PDGFC: variants seen among roughly 807,000 people sequenced by gnomAD.
The protein encoded by PDGFC is platelet-derived growth factor C.
In PDGFC, 12 loss-of-function variants were observed where a neutral mutation model predicts 35.5. The ratio of observed to expected loss-of-function variants is 0.34; its 90% CI spans 0.22 to 0.55. The LOEUF (loss-of-function observed/expected upper bound fraction) is 0.55. Among genes scored for constraint, PDGFC ranks in the 20% least tolerant of loss-of-function variants. The probability of loss-of-function intolerance (pLI) is 0.91; values close to 1 mark genes in which losing one functional copy is unlikely to be tolerated. For synonymous variants in PDGFC, 159 were observed against 148.8 expected (o/e 1.07, Z -0.50); for missense variants, 322 against 412.4 (o/e 0.78, Z 1.90).
At position 156,971,233 on chromosome 4, in the gene PDGFC, GC is replaced by G; in HGVS notation, c.-331del. The G allele has an allele frequency of 4.6e-6, 2 of 430,260 alleles. No homozygotes were observed. The highest frequency in any genetic ancestry group is 8.2e-6 in the Non-Finnish European group (2 of 243,748). The allele number at this position is 430,260 out of a possible 1,614,324, so 26.7% of individuals were successfully genotyped here. A position where few individuals can be genotyped will look rare whatever the true frequency, so the allele number is the denominator to read the frequency against. ...AATGAGGGGGTGGGGACGCGGGGGA[GC>G]GGCGAGAAGTCCCCAGCAAGTTGCT... On this transcript the variant is annotated 5_prime_UTR_variant, in exon 1 of 6. Transcript: ENST00000502773.
At chr4:156,792,320 A>G (rs1016074278) in intron 3 of PDGFC, among the ~76,000 whole-genome samples, 1 of 152,212 alleles carries the variant, frequency 6.6e-6, no homozygotes, top group African/African-American at 2.4e-5. Flanking sequence ...CTGTCAATAT[A>G]ATTTATTCAT....
chr4:156,771,514 A>G (rs764557983), intron 4 of PDGFC, among the ~76,000 whole-genome samples: 2 of 152,188 alleles, frequency 1.3e-5, no homozygotes, highest in Non-Finnish European at 2.9e-5. Flanking sequence ...AGCTTTCAGC[A>G]TCTGGACAGG....
At chr4:156,807,013 G>A (rs10019565) in intron 3 of PDGFC, among the ~76,000 whole-genome samples, 9,347 of 150,494 alleles carry the variant, frequency 0.062, 960 homozygotes, top group African/African-American at 0.21. Context: ...TAATCTACCA[G>A]GTCTTTTTTT....
chr4:156,935,171 T>G (rs1007456111), intron 1 of PDGFC, among the ~76,000 whole-genome samples: 1 of 152,106 alleles, frequency 6.6e-6, no homozygotes, highest in African/African-American at 2.4e-5. Flanking sequence ...CTAATTTTTG[T>G]ATTTTTCATA....
intron 1 of PDGFC, among the ~76,000 whole-genome samples, chr4:156,968,547 G>A (rs1020704632): frequency 4.6e-5 from 7 of 152,150 alleles, no homozygotes; most frequent in African/African-American, 1.4e-4. Context: ...AACGGTAATG[G>A]TAGTAGCTCT....
chr4:156,788,308 C>T (rs1178623072), intron 3 of PDGFC, among the ~76,000 whole-genome samples: 19 of 152,008 alleles, frequency 1.2e-4, no homozygotes. Context: ...CTCCAGAACC[C>T]CGAAAAGCTA....
intron 1 of PDGFC, among the ~76,000 whole-genome samples, chr4:156,875,655 C>G (rs188002100): frequency 6.6e-6 from 1 of 152,214 alleles, no homozygotes; most frequent in Non-Finnish European, 1.5e-5. Context: ...CAGTGGCTCA[C>G]GCCTGTAATC....
intron 2 of PDGFC, among the ~76,000 whole-genome samples, chr4:156,824,285 C>CATATATATATATATATATATATT: frequency 1.1e-5 from 1 of 92,870 alleles, no homozygotes; most frequent in African/African-American, 4.6e-5. Flanking sequence ...ACAATGTAAG[C>CATATATATATATATATATATATT]ATATATATAT....
intron 1 of PDGFC, among the ~76,000 whole-genome samples, chr4:156,852,868 A>C (rs1288040362): frequency 1.3e-5 from 2 of 152,192 alleles, no homozygotes; most frequent in African/African-American, 4.8e-5. Flanking sequence ...GAACAGTCTA[A>C]GGATGACAGC....
chr4:156,796,253 T>A (rs1731437629), intron 3 of PDGFC, among the ~76,000 whole-genome samples: 2 of 152,160 alleles, frequency 1.3e-5, no homozygotes, highest in African/African-American at 4.8e-5. Context: ...TGAGCCATTT[T>A]TAAAACTATG....
intron 1 of PDGFC, among the ~76,000 whole-genome samples, chr4:156,928,155 A>G (rs1223946258): frequency 6.6e-6 from 1 of 152,150 alleles, no homozygotes; most frequent in African/African-American, 2.4e-5. Context: ...CCCTCCCACA[A>G]CACGTAGGAA....
chr4:156,957,643 T>C (rs561865213), intron 1 of PDGFC, among the ~76,000 whole-genome samples: 4 of 152,132 alleles, frequency 2.6e-5, no homozygotes, highest in Admixed American at 1.3e-4. Flanking sequence ...TTCTGTCTTG[T>C]ATGTGCCATC....
chr4:156,836,723 T>C (rs867842178), intron 2 of PDGFC, among the ~76,000 whole-genome samples: 5 of 152,220 alleles, frequency 3.3e-5, no homozygotes, highest in East Asian at 3.9e-4. Flanking sequence ...TGCAATGAAA[T>C]TGCTTTACAT....
At chr4:156,905,138 C>A (rs779200284) in intron 1 of PDGFC, among the ~76,000 whole-genome samples, 1 of 152,026 alleles carries the variant, frequency 6.6e-6, no homozygotes, top group African/African-American at 2.4e-5. Context: ...GAGCTGGGAT[C>A]ATCTTGAGAT....
chr4:156,886,638 G>A (rs189664709), intron 1 of PDGFC: 14 of 152,208 alleles, frequency 9.2e-5, no homozygotes, highest in African/African-American at 3.4e-4. Flanking sequence ...TATAATTAAT[G>A]GTTGCCTCAT....
chr4:156,855,537 G>A (rs970706299), intron 1 of PDGFC, among the ~76,000 whole-genome samples: 5 of 152,232 alleles, frequency 3.3e-5, no homozygotes, highest in South Asian at 4.1e-4. Flanking sequence ...TCGGCCTCAC[G>A]GATGTCCTGT....
At chr4:156,875,465 C>A (rs1046655222) in intron 1 of PDGFC, among the ~76,000 whole-genome samples, 2 of 152,126 alleles carry the variant, frequency 1.3e-5, no homozygotes, top group Non-Finnish European at 2.9e-5. Flanking sequence ...AGAAAGTCCA[C>A]ACATCTTATC....
At chr4:156,909,920 T>G (rs1002910146) in intron 1 of PDGFC, among the ~76,000 whole-genome samples, 8 of 152,230 alleles carry the variant, frequency 5.3e-5, no homozygotes, top group African/African-American at 1.7e-4. Context: ...AGAGGGAAAT[T>G]TGACAACAGA....
chr4:156,765,100 T>C (rs1730485399), intron 5 of PDGFC, among the ~76,000 whole-genome samples: 1 of 152,196 alleles, frequency 6.6e-6, no homozygotes, highest in African/African-American at 2.4e-5. Flanking sequence ...CATGGAGATT[T>C]ACAAATAGCA....
Sources: allele counts gnomAD v4.1 joint callset (sites outside exome capture counted in the v4.1 genomes callset), GRCh38; gene constraint gnomAD v4.1.1; transcripts MANE v1.5; gene names NCBI Gene and HGNC (gene_info 2026-07-23, HGNC 2026-07-21).